The following MSI2 variants were observed in gnomAD, a reference collection of about 807,000 sequenced individuals.
MSI2 encodes the protein RNA-binding protein Musashi homolog 2.
A neutral mutation model predicts 45.6 loss-of-function variants in MSI2; 17 were observed. The ratio of observed to expected loss-of-function variants is 0.37; its 90% CI spans 0.26 to 0.56. The LOEUF (loss-of-function observed/expected upper bound fraction) is 0.56, where lower values mean the gene tolerates loss of function less well. Ranked by LOEUF, MSI2 falls within the 20% of genes least tolerant of loss-of-function variation. MSI2 has a pLI of 0.77. For synonymous variants in MSI2, 156 were observed against 158.2 expected (o/e 0.99, Z 0.11); for missense variants, 293 against 444.2 (o/e 0.66, Z 3.06).
chr17:57,489,408 A>G (rs79429499), intron 6 of MSI2, among the ~76,000 whole-genome samples: 1,930 of 152,152 alleles, frequency 0.013, 33 homozygotes, highest in African/African-American at 0.044. Flanking sequence ...GCAAGAGAGG[A>G]AGGGAGGGAG....
At chr17:57,368,152 A>T (rs1367040811) in intron 5 of MSI2, among the ~76,000 whole-genome samples, 1 of 152,158 alleles carries the variant, frequency 6.6e-6, no homozygotes, top group Non-Finnish European at 1.5e-5. Flanking sequence ...TTTCATTCTC[A>T]TCCTTTTATG....
At chr17:57,443,995 A>C (rs1210702525) in intron 6 of MSI2, among the ~76,000 whole-genome samples, 2 of 152,174 alleles carry the variant, frequency 1.3e-5, no homozygotes, top group Non-Finnish European at 2.9e-5. Context: ...ACATCCGGTC[A>C]TCATCTTTGG....
intron 6 of MSI2, among the ~76,000 whole-genome samples, chr17:57,452,132 A>G (rs2085031029): frequency 1.3e-5 from 2 of 152,224 alleles, no homozygotes; most frequent in Non-Finnish European, 1.5e-5. Context: ...CAGTGAGAAG[A>G]CATGGTAAGG....
intron 7 of MSI2, among the ~76,000 whole-genome samples, chr17:57,563,744 G>GCACACA (rs1447030230): frequency 5.3e-4 from 61 of 115,780 alleles, no homozygotes; most frequent in Non-Finnish European, 8.7e-4. Flanking sequence ...ACACACAGGC[G>GCACACA]CGCACACACA....
chr17:57,508,688 C>T (rs1225101782), intron 6 of MSI2, among the ~76,000 whole-genome samples: 3 of 152,146 alleles, frequency 2.0e-5, no homozygotes, highest in Non-Finnish European at 4.4e-5. Flanking sequence ...GTGGGATTGG[C>T]AAGACATGGG....
At chr17:57,700,058 C>T in the MSI2 span, among the ~76,000 whole-genome samples, 1 of 152,266 alleles carries the variant, frequency 6.6e-6, no homozygotes, top group African/African-American at 2.4e-5. Context: ...ATTATGAAAG[C>T]ATCACTCACT....
Position 57,257,462 on chromosome 17 carries a change from A to G in MSI2, c.104-4A>G. On this transcript the variant is annotated splice_region_variant and splice_polypyrimidine_tract_variant and intron_variant, in intron 2 of 13. Coordinates refer to ENST00000284073, the MANE Select transcript of MSI2 (RefSeq NM_138962.4). Reference sequence around the variant, plus strand: ...CCCCCATCTCTCTCTTTCTCTCTCTACAGATAGCCTTAGAGACTATTTTAG... The same window carrying G: ...CCCCCATCTCTCTCTTTCTCTCTCTGCAGATAGCCTTAGAGACTATTTTAG... The G allele has an allele frequency of 7.1e-7, 1 of 1,409,132 alleles. No individual in the cohort carries two copies. Among genetic ancestry groups the G allele is most frequent in the Non-Finnish European group, 9.9e-7 (1 of 1,011,164 alleles). 87.3% of individuals were successfully genotyped at this position (1,409,132 alleles called of 1,614,324 possible).
intron 5 of MSI2, among the ~76,000 whole-genome samples, chr17:57,271,504 T>C (rs1908368220): frequency 6.6e-6 from 1 of 152,150 alleles, no homozygotes; most frequent in African/African-American, 2.4e-5. Context: ...TCTAATAAAA[T>C]GGTCTTGATG....
chr17:57,326,046 G>A (rs1026443173), intron 5 of MSI2, among the ~76,000 whole-genome samples: 2 of 152,174 alleles, frequency 1.3e-5, no homozygotes, highest in Non-Finnish European at 1.5e-5. Flanking sequence ...CCTTCAAGCG[G>A]CAGCTTAAAC....
chr17:57,461,232 G>A (rs2085221154), intron 6 of MSI2, among the ~76,000 whole-genome samples: 1 of 152,072 alleles, frequency 6.6e-6, no homozygotes, highest in South Asian at 2.1e-4. Flanking sequence ...CTCTTCTCTG[G>A]GCTCCACACA....
intron 6 of MSI2, among the ~76,000 whole-genome samples, chr17:57,499,393 A>AT (rs1555614130): frequency 3.3e-5 from 5 of 150,142 alleles, no homozygotes; most frequent in Admixed American, 6.6e-5. Flanking sequence ...AAAAAAAAAA[A>AT]GGGCAGCTAA....
At chr17:57,466,412 C>T (rs893166539) in intron 6 of MSI2, among the ~76,000 whole-genome samples, 12 of 152,126 alleles carry the variant, frequency 7.9e-5, no homozygotes, top group East Asian at 1.9e-4. Context: ...GTATGGGAGG[C>T]GGCAGTCCAT....
At chr17:57,528,175 T>C (rs1321151721) in intron 6 of MSI2, among the ~76,000 whole-genome samples, 2 of 152,044 alleles carry the variant, frequency 1.3e-5, no homozygotes, top group East Asian at 3.9e-4. Flanking sequence ...GAGAGTAGGC[T>C]GCACACTGGT....
intron 5 of MSI2, among the ~76,000 whole-genome samples, chr17:57,366,851 A>G (rs184864215): frequency 1.3e-5 from 2 of 152,292 alleles, no homozygotes; most frequent in East Asian, 1.9e-4. Flanking sequence ...GGGATACCAG[A>G]TGATGTGGCT....
At chr17:57,467,611 G>A (rs927886282) in intron 6 of MSI2, among the ~76,000 whole-genome samples, 2 of 152,126 alleles carry the variant, frequency 1.3e-5, no homozygotes, top group Non-Finnish European at 2.9e-5. Context: ...GGGATGGTGA[G>A]CACCTGGTTT....
chr17:57,475,106 T>TA (rs1450402070), intron 6 of MSI2, among the ~76,000 whole-genome samples: 1 of 152,176 alleles, frequency 6.6e-6, no homozygotes, highest in East Asian at 1.9e-4. Context: ...ATTCAACAGA[T>TA]ATGCAGTAAC....
chr17:57,615,124 ATTT>A (rs35618682), intron 8 of MSI2, among the ~76,000 whole-genome samples: 28 of 132,594 alleles, frequency 2.1e-4, no homozygotes, highest in South Asian at 2.6e-4. Context: ...TTGCACAAGA[ATTT>A]TTTTTTTTTT....
intron 10 of MSI2, chr17:57,631,901 G>A: frequency 6.3e-7 from 1 of 1,591,098 alleles, no homozygotes. Context: ...GTCCCGGCCT[G>A]GGCTGCCCCC....
chr17:57,268,808 C>G (rs7220343), intron 5 of MSI2, among the ~76,000 whole-genome samples: 6 of 152,116 alleles, frequency 3.9e-5, no homozygotes, highest in African/African-American at 1.4e-4. Flanking sequence ...GCACTCCAGC[C>G]TAGGTAACAG....
Sources: allele counts gnomAD v4.1 joint callset (sites outside exome capture counted in the v4.1 genomes callset), GRCh38; gene constraint gnomAD v4.1.1; transcripts MANE v1.5; gene names NCBI Gene and HGNC (gene_info 2026-07-23, HGNC 2026-07-21).